The following FSTL4 variants were observed in gnomAD, a reference collection of about 807,000 sequenced individuals.
The protein encoded by FSTL4 is follistatin-related protein 4.
A neutral mutation model predicts 78.2 loss-of-function variants in FSTL4; 28 were observed. The ratio of observed to expected loss-of-function variants is 0.36; its 90% CI spans 0.27 to 0.49. FSTL4 has a LOEUF of 0.49. Among genes scored for constraint, FSTL4 ranks in the 20% least tolerant of loss-of-function variants. The pLI is 0.98. For synonymous variants in FSTL4, 422 were observed against 440.5 expected (o/e 0.96, Z 0.53); for missense variants, 922 against 1,084.9 (o/e 0.85, Z 2.11).
At chr5:133,259,754 G>C (rs1440796090) in intron 6 of FSTL4, among the ~76,000 whole-genome samples, 6 of 152,036 alleles carry the variant, frequency 3.9e-5, no homozygotes, top group African/African-American at 1.5e-4. Context: ...GACAGGTGGT[G>C]ACTGTGGAGA....
chr5:133,455,196 A>C (rs1023056175), intron 3 of FSTL4, among the ~76,000 whole-genome samples: 1 of 152,212 alleles, frequency 6.6e-6, no homozygotes, highest in African/African-American at 2.4e-5. Context: ...TAATCTCCCC[A>C]TGTTTAGATT....
chr5:133,308,230 T>C (rs1561665508), intron 6 of FSTL4, among the ~76,000 whole-genome samples: 1 of 152,184 alleles, frequency 6.6e-6, no homozygotes, highest in Non-Finnish European at 1.5e-5. Context: ...TCCTTTGGGG[T>C]AGGGGGAGTC....
At chr5:133,834,925 T>G in the FSTL4 span, among the ~76,000 whole-genome samples, 1 of 152,122 alleles carries the variant, frequency 6.6e-6, no homozygotes, top group Non-Finnish European at 1.5e-5. Context: ...GGTAGGGTTA[T>G]GAGTGAATTT....
intron 1 of FSTL4, among the ~76,000 whole-genome samples, chr5:133,610,205 C>T (rs975278581): frequency 6.6e-6 from 1 of 152,170 alleles, no homozygotes; most frequent in African/African-American, 2.4e-5. Flanking sequence ...CCCTCACCCA[C>T]CTCCAGGGCA....
chr5:133,708,399 A>G, the FSTL4 span, among the ~76,000 whole-genome samples: 1 of 152,016 alleles, frequency 6.6e-6, no homozygotes, highest in Non-Finnish European at 1.5e-5. Context: ...AGGCTGCTAT[A>G]CTAGGGCTAC....
chr5:133,265,465 G>A (rs1418782972), intron 6 of FSTL4, among the ~76,000 whole-genome samples: 1 of 152,180 alleles, frequency 6.6e-6, no homozygotes, highest in Admixed American at 6.5e-5. Flanking sequence ...CCTGCCTCTG[G>A]AGGTGACACA....
Position 133,198,927 on chromosome 5 carries a change from G to A in FSTL4, c.*168C>T. 2.1e-6 allele frequency: 1 copy of A among 484,832 alleles called. No homozygotes were observed. 30.0% of individuals were successfully genotyped at this position (484,832 alleles called of 1,614,324 possible). A position where few individuals can be genotyped will look rare whatever the true frequency, so the allele number is the denominator to read the frequency against. ...TCCTAACGAAAAAACCCCAATCTTG[G>A]TAGCAGCGCATACCTTATACTAGGA... On this transcript the variant is annotated 3_prime_UTR_variant, in exon 16 of 16. Coordinates refer to ENST00000265342, the MANE Select transcript of FSTL4 (RefSeq NM_015082.2).
At chr5:133,548,464 C>T (rs1387743173) in intron 3 of FSTL4, among the ~76,000 whole-genome samples, 2 of 152,040 alleles carry the variant, frequency 1.3e-5, no homozygotes, top group Admixed American at 6.6e-5. Flanking sequence ...AGAATCATAT[C>T]CTAGGAATAA....
At chr5:133,640,783 G>T in the FSTL4 span, among the ~76,000 whole-genome samples, 2 of 152,178 alleles carry the variant, frequency 1.3e-5, no homozygotes, top group African/African-American at 4.8e-5. Context: ...TGGAAGAAGG[G>T]ACCATTGGCC....
the FSTL4 span, among the ~76,000 whole-genome samples, chr5:133,818,697 A>G: frequency 1.3e-5 from 2 of 150,796 alleles, no homozygotes; most frequent in Admixed American, 1.3e-4. Flanking sequence ...CTTTCCACCA[A>G]TTTCAGGGGA....
the FSTL4 span, among the ~76,000 whole-genome samples, chr5:133,642,566 C>T: frequency 3.6e-4 from 55 of 152,256 alleles, no homozygotes; most frequent in African/African-American, 1.3e-3. Flanking sequence ...CCATGGAGAC[C>T]CTCCAAGCCA....
chr5:133,361,139 C>T lies in FSTL4; in HGVS notation c.409+39599G>A, dbSNP rs17628294. 0.014 allele frequency among the ~76,000 whole-genome samples: 2,097 copies of T among 152,272 alleles called. 18 individuals are homozygous for T. Among genetic ancestry groups the T allele is most frequent in the Non-Finnish European group, 0.025 (1,672 of 68,026 alleles). The stretch of plus-strand genomic sequence containing the variant: ...TTAACTTTTTCTGAGCCCTTGAAGC[C>T]GAGAGCAAGTCTGAAACATGATTCC... On this transcript the variant is annotated intron_variant, in intron 4 of 15. Coordinates refer to ENST00000265342, the MANE Select transcript of FSTL4 (RefSeq NM_015082.2). This position sits in a 1 kb window ranked among gnomAD's most constrained non-coding sequence, Gnocchi z 4.3.
At chr5:133,769,192 C>T in the FSTL4 span, among the ~76,000 whole-genome samples, 1 of 152,192 alleles carries the variant, frequency 6.6e-6, no homozygotes, top group Non-Finnish European at 1.5e-5. Context: ...TTCCAGAGAT[C>T]AATCCTGTCT....
At chr5:133,637,624 G>T in the FSTL4 span, among the ~76,000 whole-genome samples, 30 of 152,060 alleles carry the variant, frequency 2.0e-4, no homozygotes, top group African/African-American at 7.0e-4. Flanking sequence ...TTCTCAGTCT[G>T]CTATGCTGGT....
intron 4 of FSTL4, among the ~76,000 whole-genome samples, chr5:133,367,397 C>T (rs1755202165): frequency 1.3e-5 from 2 of 152,162 alleles, no homozygotes; most frequent in South Asian, 2.1e-4. Flanking sequence ...CTCTTTAGCC[C>T]CAAGGTAAAC....
chr5:133,813,722 C>A, the FSTL4 span, among the ~76,000 whole-genome samples: 1 of 152,188 alleles, frequency 6.6e-6, no homozygotes, highest in African/African-American at 2.4e-5. Context: ...TAATGGGCAC[C>A]AGCCCTTCCC....
At chr5:133,260,773 T>C (rs968056504) in intron 6 of FSTL4, among the ~76,000 whole-genome samples, 4 of 152,188 alleles carry the variant, frequency 2.6e-5, no homozygotes, top group African/African-American at 9.7e-5. Flanking sequence ...CTGAGCCCAA[T>C]TGTTGGAAGG....
chr5:133,622,756 G>T, the FSTL4 span, among the ~76,000 whole-genome samples: 3 of 152,168 alleles, frequency 2.0e-5, no homozygotes, highest in South Asian at 4.2e-4. Flanking sequence ...TGCATTGTTT[G>T]GTTCTTTTAC....
chr5:133,562,850 T>C (rs1759945559), intron 3 of FSTL4, among the ~76,000 whole-genome samples: 1 of 152,166 alleles, frequency 6.6e-6, no homozygotes, highest in South Asian at 2.1e-4. Context: ...ATGGCTGTAA[T>C]TCAACATGAT....
Sources: gnomAD v4.1 joint callset for allele counts (sites outside exome capture counted in the v4.1 genomes callset) on GRCh38, gnomAD v4.1.1 for gene constraint, Gnocchi (gnomAD v3.1) non-coding constraint, MANE v1.5 for transcripts, NCBI Gene and HGNC (gene_info 2026-07-23, HGNC 2026-07-21) for gene names.